The following CPA6 variants were observed in gnomAD, a reference collection of about 807,000 sequenced individuals.
The protein encoded by CPA6 is carboxypeptidase A6.
CPA6 carries 58 observed loss-of-function variants against 63.3 expected under a neutral mutation model. That is an observed-to-expected ratio of 0.92 (90% CI 0.74 to 1.14). The LOEUF (loss-of-function observed/expected upper bound fraction) is 1.14. Among genes scored for constraint, CPA6 ranks in the 50% most tolerant of loss-of-function variants. The pLI, the probability that CPA6 is intolerant of heterozygous loss-of-function variation, is 0.00. For missense variants in CPA6, 565 were observed against 526.6 expected (o/e 1.07, Z -0.71); for synonymous variants, 185 against 179.0 (o/e 1.03, Z -0.27).
At chr8:67,493,193 C>T (rs1008103826) in intron 6 of CPA6, among the ~76,000 whole-genome samples, 1 of 152,156 alleles carries the variant, frequency 6.6e-6, no homozygotes, top group Non-Finnish European at 1.5e-5. Flanking sequence ...TTGGCACATA[C>T]ATGCAATTTA....
intron 1 of CPA6, among the ~76,000 whole-genome samples, chr8:67,668,414 C>G (rs1816276602): frequency 6.6e-6 from 1 of 152,200 alleles, no homozygotes; most frequent in South Asian, 2.1e-4. Flanking sequence ...TACTGCTTTG[C>G]TAGTGTGAAA....
chr8:67,475,859 CTT>C (rs373621161), intron 8 of CPA6, among the ~76,000 whole-genome samples: 1,265 of 78,792 alleles, frequency 0.016, 30 homozygotes, highest in African/African-American at 0.022. Flanking sequence ...TTCTTTCTTT[CTT>C]TCTTTCTTTC....
At chr8:67,438,611 G>A (rs1810216421) in intron 8 of CPA6, among the ~76,000 whole-genome samples, 1 of 152,146 alleles carries the variant, frequency 6.6e-6, no homozygotes, top group South Asian at 2.1e-4. Flanking sequence ...TAACTCCAGA[G>A]AGCCTACTCT....
rs1164206126 is a variant in CPA6, at chr8:67,466,878, A to T, written c.838+16890T>A. On this transcript the variant is annotated intron_variant, in intron 8 of 10. Coordinates refer to ENST00000297770, the MANE Select transcript of CPA6 (RefSeq NM_020361.5). The stretch of plus-strand genomic sequence containing the variant: ...ATGTTTATAGTAATGTGTATGTATC[A>T]TACACACATATCTGTCACGTATAAA... Among the ~76,000 whole-genome samples, 5 of 152,216 alleles carry T rather than the reference A, an allele frequency of 3.3e-5. 1 individual carries two copies. Among genetic ancestry groups the T allele is most frequent in the African/African-American group, 1.2e-4 (5 of 41,460 alleles).
chr8:67,492,441 G>C (rs1811626367), intron 6 of CPA6, among the ~76,000 whole-genome samples: 1 of 151,702 alleles, frequency 6.6e-6, no homozygotes, highest in Non-Finnish European at 1.5e-5. Context: ...ACAGAGAGAA[G>C]ATAATGAGCA....
At chr8:67,720,853 G>C (rs568725129) in intron 1 of CPA6, among the ~76,000 whole-genome samples, 1 of 152,268 alleles carries the variant, frequency 6.6e-6, no homozygotes, top group South Asian at 2.1e-4. Flanking sequence ...CTCCACTAGA[G>C]ATGCAGTCAA....
At chr8:67,602,947 A>G (rs2128983520) in intron 2 of CPA6, among the ~76,000 whole-genome samples, 1 of 152,326 alleles carries the variant, frequency 6.6e-6, no homozygotes, top group East Asian at 1.9e-4. Context: ...GAAGAGTTTT[A>G]TAATTCTGTG....
At chr8:67,479,854 G>A (rs1811319828) in intron 8 of CPA6, among the ~76,000 whole-genome samples, 1 of 152,026 alleles carries the variant, frequency 6.6e-6, no homozygotes, top group Admixed American at 6.6e-5. Flanking sequence ...CAGGCCAGTG[G>A]CCATCTATTG....
chr8:67,632,666 T>G (rs1815369761), intron 1 of CPA6, among the ~76,000 whole-genome samples: 2 of 152,200 alleles, frequency 1.3e-5, no homozygotes, highest in Non-Finnish European at 2.9e-5. Context: ...AGTTGACAAT[T>G]GAGTTTTTAG....
At chr8:67,632,151 T>C (rs1815352278) in intron 1 of CPA6, among the ~76,000 whole-genome samples, 1 of 17,838 alleles carries the variant, frequency 5.6e-5, no homozygotes, top group Non-Finnish European at 1.0e-4. Flanking sequence ...AATGATGCTG[T>C]GTGTGTGTGT....
intron 8 of CPA6, among the ~76,000 whole-genome samples, chr8:67,460,085 G>A (rs756529097): frequency 2.0e-5 from 3 of 152,182 alleles, no homozygotes; most frequent in Admixed American, 1.3e-4. Flanking sequence ...CTCTGGGAGC[G>A]TGACCTGGGT....
rs572160362 is a variant in CPA6, at chr8:67,519,740, C to G, written c.193-1693G>C. On this transcript the variant is annotated intron_variant, in intron 2 of 10. Transcript: ENST00000297770. ...GAGGTCATTCAATCCATCTGTCAGC[C>G]CTTGGGCAAGGACATATCTAGGACT... is the stretch of plus-strand genomic sequence containing the variant. Among the ~76,000 whole-genome samples the G allele has an allele frequency of 2.4e-3, 372 of 152,232 alleles. 2 individuals are homozygous for G. Among genetic ancestry groups the G allele is most frequent in the Non-Finnish European group, 4.3e-3 (293 of 68,018 alleles).
At chr8:67,653,349 C>T (rs1356413543) in intron 1 of CPA6, among the ~76,000 whole-genome samples, 39 of 152,136 alleles carry the variant, frequency 2.6e-4, no homozygotes, top group Middle Eastern at 3.4e-3. Context: ...GCCATTTTCA[C>T]GATATTGATT....
chr8:67,674,102 C>T (rs186171721), intron 1 of CPA6, among the ~76,000 whole-genome samples: 12 of 152,284 alleles, frequency 7.9e-5, no homozygotes, highest in Admixed American at 2.0e-4. Context: ...TGTGAAATAG[C>T]TGGAATTATT....
rs184916440 is a variant in CPA6 at position 67,724,515 on chromosome 8, G to A, written c.116+21499C>T. Reference sequence around the variant, plus strand: ...ACCAATTTCAGGTGTGCCCTACAACGGAAGGACACATTTACTTGCAGAGTT... The same window carrying A: ...ACCAATTTCAGGTGTGCCCTACAACAGAAGGACACATTTACTTGCAGAGTT... On this transcript the variant is annotated intron_variant, in intron 1 of 10. Coordinates refer to ENST00000297770, the MANE Select transcript of CPA6 (RefSeq NM_020361.5). Among the ~76,000 whole-genome samples the A allele has an allele frequency of 9.3e-4, 142 of 152,284 alleles. 1 individual carries two copies. Among genetic ancestry groups the A allele is most frequent in the Middle Eastern group, 3.4e-3 (1 of 294 alleles).
chr8:67,450,502 A>T (rs957243082), intron 8 of CPA6, among the ~76,000 whole-genome samples: 1 of 152,206 alleles, frequency 6.6e-6, no homozygotes, highest in African/African-American at 2.4e-5. Context: ...TCAATGAACG[A>T]AGGGTAGGAA....
Position 67,605,433 on chromosome 8 carries a change from C to T in CPA6, c.192+18743G>A, listed in dbSNP as rs190450819. 1.3e-3 allele frequency among the ~76,000 whole-genome samples: 205 copies of T among 152,116 alleles called. 1 individual carries two copies. The highest frequency in any genetic ancestry group is 4.7e-3 in the African/African-American group (197 of 41,490). ...TAACCTACACACATTCTCCTGTATA[C>T]CTTAAAACAACTCTAGATTACTTAT... On this transcript the variant is annotated intron_variant, in intron 2 of 10. Transcript: ENST00000297770.
At chr8:67,496,559 T>A (rs867766602) in intron 6 of CPA6, among the ~76,000 whole-genome samples, 86 of 105,046 alleles carry the variant, frequency 8.2e-4, no homozygotes, top group African/African-American at 3.2e-3. Context: ...ATATATATAT[T>A]TATTTTATTT....
At chr8:67,457,607 C>T (rs1391705233) in intron 8 of CPA6, among the ~76,000 whole-genome samples, 1 of 152,110 alleles carries the variant, frequency 6.6e-6, no homozygotes, top group East Asian at 1.9e-4. Flanking sequence ...GGCCTCTAAA[C>T]TGGTTCCCCT....
Sources: allele counts gnomAD v4.1 joint callset (sites outside exome capture counted in the v4.1 genomes callset), GRCh38; gene constraint gnomAD v4.1.1; transcripts MANE v1.5; gene names NCBI Gene and HGNC (gene_info 2026-07-23, HGNC 2026-07-21).